Variants in ENTHD1 observed in about 807,000 individuals in gnomAD.
ENTHD1 encodes ENTH domain containing 1.
A neutral mutation model predicts 39.1 loss-of-function variants in ENTHD1; 23 were observed. The ratio of observed to expected loss-of-function variants is 0.59; its 90% CI spans 0.42 to 0.83. The LOEUF is 0.83. Ranked by LOEUF, ENTHD1 falls within the 40% of genes least tolerant of loss-of-function variation. The probability of loss-of-function intolerance (pLI) is 0.00; values close to 1 mark genes in which losing one functional copy is unlikely to be tolerated. For synonymous variants in ENTHD1, 230 were observed against 258.2 expected (o/e 0.89, Z 1.05); for missense variants, 624 against 705.4 (o/e 0.88, Z 1.31).
At chr22:39,835,818 C>CTA (rs750358124) in intron 4 of ENTHD1, 22 bp downstream of exon 4, 208 of 1,518,062 alleles carry the variant, frequency 1.4e-4, no homozygotes, top group Non-Finnish European at 1.8e-4. Context: ...ATTACAGCAG[C>CTA]TATAGGAAAC....
chr22:39,882,900 G>C (rs2066349580), intron 2 of ENTHD1, among the ~76,000 whole-genome samples: 1 of 151,294 alleles, frequency 6.6e-6, no homozygotes, highest in South Asian at 2.1e-4. Context: ...CTACTTGGGA[G>C]GCTGAGGCAG....
In ENTHD1 at chr22:39,775,961, G is replaced by A. The variant is rs536374680; in HGVS notation, c.833-10352C>T. ...CACCCAGGCTGGACTGCAGTGGTGCGATCATGGCTTACTGCAGCCTGGCCT... is the reference window on the plus strand; with the variant it reads ...CACCCAGGCTGGACTGCAGTGGTGCAATCATGGCTTACTGCAGCCTGGCCT... On this transcript the variant is annotated intron_variant, in intron 5 of 6. Transcript: ENST00000325157. 2.1e-4 allele frequency among the ~76,000 whole-genome samples: 32 copies of A among 152,236 alleles called. No homozygotes were observed. The South Asian group carries it at 5.8e-3, about 28-fold the overall frequency.
At position 39,841,582 on chromosome 22, in the gene ENTHD1, T is replaced by C. The variant is rs2146686327; in HGVS notation, c.593-5624A>G. ...ACCCCTGCCTTTTTTTGTTTTCCATTTGCTTGGTAGCTCTTCCTCCATCCT... is the reference window on the plus strand; with the variant it reads ...ACCCCTGCCTTTTTTTGTTTTCCATCTGCTTGGTAGCTCTTCCTCCATCCT... On this transcript the variant is annotated intron_variant, in intron 3 of 6. Transcript: ENST00000325157. 2.0e-5 allele frequency among the ~76,000 whole-genome samples: 3 copies of C among 151,960 alleles called. No individual in the cohort carries two copies. The South Asian group carries it at 6.3e-4, about 32-fold the overall frequency.
intron 3 of ENTHD1, among the ~76,000 whole-genome samples, chr22:39,846,708 C>A (rs1385207048): frequency 1.3e-5 from 2 of 152,060 alleles, no homozygotes; most frequent in Non-Finnish European, 2.9e-5. Context: ...AAAAAACAAA[C>A]AACCCCATCA....
intron 4 of ENTHD1, among the ~76,000 whole-genome samples, chr22:39,823,736 C>T (rs934491827): frequency 2.6e-5 from 4 of 152,154 alleles, no homozygotes; most frequent in African/African-American, 9.7e-5. Flanking sequence ...TAAAAACTAC[C>T]AAACTGTTTT....
intron 2 of ENTHD1, among the ~76,000 whole-genome samples, chr22:39,880,869 T>C (rs2066331219): frequency 6.6e-6 from 1 of 152,162 alleles, no homozygotes; most frequent in African/African-American, 2.4e-5. Flanking sequence ...ATTCCTTCAT[T>C]CAACAATATA....
chr22:39,824,713 C>T (rs1029260359), intron 4 of ENTHD1, among the ~76,000 whole-genome samples: 1 of 152,158 alleles, frequency 6.6e-6, no homozygotes, highest in African/African-American at 2.4e-5. Context: ...TGTCAAAAAT[C>T]AGTTGGCCAT....
chr22:39,890,134 AT>A (rs1293130774), intron 1 of ENTHD1, among the ~76,000 whole-genome samples: 96 of 150,732 alleles, frequency 6.4e-4, no homozygotes, highest in Non-Finnish European at 6.7e-4. Context: ...AAATAAATAA[AT>A]AAATAAATAA....
intron 2 of ENTHD1, among the ~76,000 whole-genome samples, chr22:39,863,068 A>T (rs904108186): frequency 2.6e-5 from 4 of 151,972 alleles, no homozygotes; most frequent in African/African-American, 7.2e-5. Flanking sequence ...AGACAACTGA[A>T]CCTGCCAGTG....
intron 6 of ENTHD1, among the ~76,000 whole-genome samples, chr22:39,755,382 C>A (rs928498505): frequency 6.6e-6 from 1 of 152,038 alleles, no homozygotes; most frequent in Non-Finnish European, 1.5e-5. Context: ...CGTGGTGAAG[C>A]AAGATGGTTT....
At chr22:39,784,543 T>TACACACAC (rs3044403) in intron 5 of ENTHD1, among the ~76,000 whole-genome samples, 1,644 of 142,328 alleles carry the variant, frequency 0.012, 17 homozygotes, top group East Asian at 0.024. Flanking sequence ...TCTCTCTGTA[T>TACACACAC]ACACACACAC....
intron 5 of ENTHD1, among the ~76,000 whole-genome samples, chr22:39,790,261 A>G (rs546677656): frequency 9.5e-4 from 145 of 152,268 alleles, no homozygotes; most frequent in African/African-American, 3.3e-3. Flanking sequence ...GAGCACAGGG[A>G]GAAGCAGGGT....
At chr22:39,770,585 C>T (rs1005287748) in intron 5 of ENTHD1, among the ~76,000 whole-genome samples, 4 of 152,112 alleles carry the variant, frequency 2.6e-5, no homozygotes, top group Non-Finnish European at 4.4e-5. Flanking sequence ...CAGTTGCTAC[C>T]TTGATCATAC....
intron 6 of ENTHD1, among the ~76,000 whole-genome samples, chr22:39,763,204 C>T (rs1377308338): frequency 1.3e-5 from 2 of 152,100 alleles, no homozygotes; most frequent in Non-Finnish European, 2.9e-5. Flanking sequence ...ATGGCTCCTC[C>T]CATTTGCTAT....
At position 39,757,014 on chromosome 22, in the gene ENTHD1, C is replaced by CAA. The variant is rs36089325; in HGVS notation, c.1219+8207_1219+8208dup. 3.5e-3 allele frequency among the ~76,000 whole-genome samples: 454 copies of CAA among 129,468 alleles called. 1 individual carries two copies. The highest frequency in any genetic ancestry group is 0.011 in the African/African-American group (405 of 36,170). 84.9% of individuals were successfully genotyped at this position (129,468 alleles called of 152,430 possible). ...TAAGACTCAGCTTGTCAATTTCTAC[C>CAA]AAAAAAAAAAAAAAGCCTTCTGGGA... On this transcript the variant is annotated intron_variant, in intron 6 of 6. Coordinates refer to ENST00000325157, the MANE Select transcript of ENTHD1 (RefSeq NM_152512.4).
chr22:39,834,606 C>T (rs184446388), intron 4 of ENTHD1, among the ~76,000 whole-genome samples: 37 of 152,136 alleles, frequency 2.4e-4, no homozygotes, highest in African/African-American at 7.7e-4. Flanking sequence ...ACACACTTAC[C>T]GTACAACCCT....
At chr22:39,862,834 T>C (rs1803183383) in intron 2 of ENTHD1, among the ~76,000 whole-genome samples, 1 of 152,212 alleles carries the variant, frequency 6.6e-6, no homozygotes, top group African/African-American at 2.4e-5. Context: ...GCCAATGTGA[T>C]AGCATTAAGA....
intron 3 of ENTHD1, among the ~76,000 whole-genome samples, chr22:39,840,462 G>C (rs912964077): frequency 2.0e-5 from 3 of 152,188 alleles, no homozygotes; most frequent in African/African-American, 7.2e-5. Context: ...CATACATTTT[G>C]GAAATGCAAC....
intron 4 of ENTHD1, 82 bp downstream of exon 4, chr22:39,835,758 C>A (rs1294514269): frequency 1.0e-6 from 1 of 984,038 alleles, no homozygotes; most frequent in East Asian, 2.5e-5. Context: ...TTCTAACCTA[C>A]AGAAGATAAT....
Sources: gnomAD v4.1 joint callset for allele counts (sites outside exome capture counted in the v4.1 genomes callset) on GRCh38, gnomAD v4.1.1 for gene constraint, MANE v1.5 for transcripts, NCBI Gene and HGNC (gene_info 2026-07-23, HGNC 2026-07-21) for gene names.